The following FAM110B variants were observed in gnomAD, a reference collection of about 807,000 sequenced individuals.
FAM110B encodes the protein protein FAM110B.
Under a neutral mutation model 20.4 loss-of-function variants are expected in FAM110B, and 6 were observed. The observed-to-expected ratio is 0.29, with a 90% CI of 0.16 to 0.58. The LOEUF is 0.58. Among genes scored for constraint, FAM110B ranks in the 20% least tolerant of loss-of-function variants. The pLI, the probability that FAM110B is intolerant of heterozygous loss-of-function variation, is 0.90. For missense variants in FAM110B, 434 were observed against 498.2 expected, an observed-to-expected ratio of 0.87 and a Z score of 1.23; for synonymous variants, 226 against 214.1, an observed-to-expected ratio of 1.06 and a Z score of -0.49.
At chr8:58,049,915 G>C (rs965415862) in intron 2 of FAM110B, among the ~76,000 whole-genome samples, 14 of 152,044 alleles carry the variant, frequency 9.2e-5, no homozygotes, top group African/African-American at 3.4e-4. Flanking sequence ...ATTTACAAAG[G>C]ATCCTGTATA....
intron 3 of FAM110B, among the ~76,000 whole-genome samples, chr8:58,092,722 T>C (rs1806513095): frequency 6.6e-6 from 1 of 152,368 alleles, no homozygotes; most frequent in Non-Finnish European, 1.5e-5. Flanking sequence ...TGCATGTGTC[T>C]TTATAGTAGA....
intron 3 of FAM110B, among the ~76,000 whole-genome samples, chr8:58,129,055 T>A (rs1807583949): frequency 6.6e-6 from 1 of 152,190 alleles, no homozygotes; most frequent in Admixed American, 6.5e-5. Flanking sequence ...ATAAAATAGA[T>A]GAAGGTTTAA....
At chr8:58,042,809 T>C (rs946957152) in intron 2 of FAM110B, among the ~76,000 whole-genome samples, 1 of 152,238 alleles carries the variant, frequency 6.6e-6, no homozygotes, top group Admixed American at 6.5e-5. Flanking sequence ...GCGTAAGAAT[T>C]GAAATAGATA....
chr8:58,112,297 C>G (rs945620128), intron 3 of FAM110B, among the ~76,000 whole-genome samples: 1 of 152,254 alleles, frequency 6.6e-6, no homozygotes, highest in South Asian at 2.1e-4. Context: ...CCACTGCACT[C>G]CAGCCTGGGT....
At chr8:58,012,037 A>G (rs766617701) in intron 1 of FAM110B, among the ~76,000 whole-genome samples, 51 of 152,192 alleles carry the variant, frequency 3.4e-4, no homozygotes, top group Non-Finnish European at 7.1e-4. Context: ...CTCGTGCATT[A>G]CTGCCTAGTG....
intron 1 of FAM110B, among the ~76,000 whole-genome samples, chr8:58,008,421 C>T (rs1804459582): frequency 6.6e-6 from 1 of 152,190 alleles, no homozygotes; most frequent in Non-Finnish European, 1.5e-5. Flanking sequence ...GCGTGAGCCA[C>T]TGCGCCTGGC....
chr8:58,101,168 C>T (rs1806770929), intron 3 of FAM110B, among the ~76,000 whole-genome samples: 1 of 150,270 alleles, frequency 6.7e-6, no homozygotes, highest in Non-Finnish European at 1.5e-5. Flanking sequence ...CAGAGTGAGA[C>T]TCCGTCTCAA....
chr8:58,055,383 C>T (rs1392117630), intron 2 of FAM110B, among the ~76,000 whole-genome samples: 2 of 152,128 alleles, frequency 1.3e-5, no homozygotes, highest in Non-Finnish European at 2.9e-5. Flanking sequence ...TCTTCTCATA[C>T]CTTGATATGT....
At chr8:58,145,851 A>C in intron 3 of FAM110B, 56 bp from the exon 4 acceptor site, 1 of 164,092 alleles carries the variant, frequency 6.1e-6, no homozygotes. Context: ...CTCTGTTGCT[A>C]GAGCCGTGAT....
At chr8:58,019,945 T>A (rs1250761599) in intron 1 of FAM110B, among the ~76,000 whole-genome samples, 1 of 152,016 alleles carries the variant, frequency 6.6e-6, no homozygotes. Flanking sequence ...TTTTCTCCTC[T>A]CCTCTAATTG....
At chr8:58,063,680 T>C (rs931037544) in intron 2 of FAM110B, among the ~76,000 whole-genome samples, 19 of 152,216 alleles carry the variant, frequency 1.2e-4, no homozygotes, top group African/African-American at 4.1e-4. Context: ...CCTGTATACA[T>C]TGATTTATAA....
chr8:58,069,348 G>C (rs960038608), intron 2 of FAM110B, among the ~76,000 whole-genome samples: 1 of 152,166 alleles, frequency 6.6e-6, no homozygotes, highest in South Asian at 2.1e-4. Flanking sequence ...GTAACTCTTC[G>C]AGGTGGCTCC....
chr8:58,142,264 C>T (rs1803758643), intron 3 of FAM110B, among the ~76,000 whole-genome samples: 1 of 152,170 alleles, frequency 6.6e-6, no homozygotes, highest in African/African-American at 2.4e-5. Context: ...TGGGCTTCCC[C>T]CCTTTCCTGT....
At position 58,110,474 on chromosome 8, in the gene FAM110B, T is replaced by A. The variant is rs1219377495; in HGVS notation, c.-325+34851T>A. Among the ~76,000 whole-genome samples the A allele has an allele frequency of 1.8e-4, 28 of 152,170 alleles. 1 individual carries two copies. Among genetic ancestry groups the A allele is most frequent in the African/African-American group, 7.2e-5 (3 of 41,452 alleles). On this transcript the variant is annotated intron_variant, in intron 3 of 3. Coordinates refer to ENST00000519262, the MANE Select transcript of FAM110B (RefSeq NM_001377989.1). The stretch of plus-strand genomic sequence containing the variant: ...ATGTCTCAGAAGGTATGTATTAGGA[T>A]CATAGTTGAAAAAAATAAAATATTC...
intron 3 of FAM110B, among the ~76,000 whole-genome samples, chr8:58,103,912 G>A (rs1194697219): frequency 6.6e-6 from 1 of 152,190 alleles, no homozygotes; most frequent in African/African-American, 2.4e-5. Flanking sequence ...CCCAGCTAGA[G>A]CACAGTCCCA....
chr8:58,144,471 G>T (rs1432450730), intron 3 of FAM110B, among the ~76,000 whole-genome samples: 1 of 152,122 alleles, frequency 6.6e-6, no homozygotes, highest in Non-Finnish European at 1.5e-5. Flanking sequence ...GTTAATGTAG[G>T]TATTGCCTTG....
chr8:58,006,901 G>GTGTATATATATATATATATA (rs1804415059), intron 1 of FAM110B, among the ~76,000 whole-genome samples: 2 of 97,496 alleles, frequency 2.1e-5, no homozygotes, highest in African/African-American at 3.4e-5. Context: ...GGCTTAATTG[G>GTGTATATATATATATATATA]TATATATATA....
intron 2 of FAM110B, among the ~76,000 whole-genome samples, chr8:58,062,199 T>G (rs1325768190): frequency 2.0e-5 from 3 of 152,300 alleles, no homozygotes; most frequent in South Asian, 2.1e-4. Flanking sequence ...GAAAAGCATC[T>G]CTGCATATAT....
At chr8:58,080,196 C>T (rs1040267542) in intron 3 of FAM110B, among the ~76,000 whole-genome samples, 14 of 152,210 alleles carry the variant, frequency 9.2e-5, no homozygotes, top group African/African-American at 3.1e-4. Context: ...AGCCCTTGCA[C>T]ACCAGTTAAT....
Sources: gnomAD v4.1 joint callset for allele counts (sites outside exome capture counted in the v4.1 genomes callset) on GRCh38, gnomAD v4.1.1 for gene constraint, MANE v1.5 for transcripts, NCBI Gene and HGNC (gene_info 2026-07-23, HGNC 2026-07-21) for gene names.